Variants in GABRG3 observed in about 807,000 individuals in gnomAD.
GABRG3 encodes the protein gamma-aminobutyric acid receptor subunit gamma-3.
A neutral mutation model predicts 48.8 loss-of-function variants in GABRG3; 25 were observed. The ratio of observed to expected loss-of-function variants is 0.51; its 90% CI spans 0.37 to 0.72. GABRG3 has a LOEUF of 0.72. GABRG3 is among the 30% of genes least tolerant of loss of function. GABRG3 has a pLI of 0.00. For synonymous variants in GABRG3, 227 were observed against 217.6 expected, an observed-to-expected ratio of 1.04 and a Z score of -0.38; for missense variants, 394 against 577.9, an observed-to-expected ratio of 0.68 and a Z score of 3.26.
chr15:27,069,529 C>T (rs1164797546), intron 3 of GABRG3, among the ~76,000 whole-genome samples: 2 of 152,226 alleles, frequency 1.3e-5, no homozygotes, highest in Admixed American at 1.3e-4. Flanking sequence ...ACACATCCAT[C>T]TCCTCTCTTT....
chr15:27,280,251 AT>A (rs1891391591), intron 3 of GABRG3: 1 of 152,252 alleles, frequency 6.6e-6, no homozygotes, highest in South Asian at 2.1e-4. Flanking sequence ...CTTTTAAAAA[AT>A]GTTTTTATTT....
intron 5 of GABRG3, among the ~76,000 whole-genome samples, chr15:27,420,455 C>A (rs372636837): frequency 6.6e-6 from 1 of 152,112 alleles, no homozygotes; most frequent in African/African-American, 2.4e-5. Flanking sequence ...GAGATGAGTA[C>A]GTTCTGGACA....
chr15:27,086,092 ATTGAACCTTTT>A (rs1270237165), intron 3 of GABRG3, among the ~76,000 whole-genome samples: 2 of 151,058 alleles, frequency 1.3e-5, no homozygotes, highest in Non-Finnish European at 2.9e-5. Flanking sequence ...GTTTAACAAA[ATTGAACCTTTT>A]GGAGTTTTGG....
At chr15:27,288,498 G>A (rs1891690846) in intron 3 of GABRG3, among the ~76,000 whole-genome samples, 1 of 151,916 alleles carries the variant, frequency 6.6e-6, no homozygotes, top group Non-Finnish European at 1.5e-5. Context: ...CCTTGCACAT[G>A]CAGTTCACAA....
chr15:27,003,875 C>T (rs748133623), intron 2 of GABRG3, among the ~76,000 whole-genome samples: 4 of 146,446 alleles, frequency 2.7e-5, no homozygotes, highest in Admixed American at 6.7e-5. Context: ...ACCTCCCTCC[C>T]AGACGGGGCG....
intron 5 of GABRG3, among the ~76,000 whole-genome samples, chr15:27,392,119 C>T (rs966448168): frequency 1.1e-4 from 17 of 152,178 alleles, no homozygotes; most frequent in Admixed American, 7.9e-4. Flanking sequence ...TACCACATCC[C>T]CATTATCCCC....
intron 3 of GABRG3, among the ~76,000 whole-genome samples, chr15:27,306,492 T>C (rs1892460784): frequency 7.2e-6 from 1 of 139,356 alleles, no homozygotes; most frequent in Non-Finnish European, 1.5e-5. Flanking sequence ...ATATATATAA[T>C]ATAAACATAT....
intron 6 of GABRG3, among the ~76,000 whole-genome samples, chr15:27,485,423 G>A (rs914861696): frequency 1.3e-5 from 2 of 152,124 alleles, no homozygotes; most frequent in African/African-American, 4.8e-5. Context: ...ATCAGGGAGG[G>A]CAAGATAAGG....
At chr15:27,525,814 G>A (rs1383452394) in intron 7 of GABRG3, among the ~76,000 whole-genome samples, 1 of 151,924 alleles carries the variant, frequency 6.6e-6, no homozygotes, top group African/African-American at 2.4e-5. Flanking sequence ...AGTATTCCCT[G>A]GGGGAGAACA....
chr15:27,378,180 C>G (rs1895658743), intron 5 of GABRG3, among the ~76,000 whole-genome samples: 2 of 152,088 alleles, frequency 1.3e-5, no homozygotes, highest in Admixed American at 6.5e-5. Flanking sequence ...TTATGAGTTA[C>G]TGAAATTGCC....
intron 5 of GABRG3, among the ~76,000 whole-genome samples, chr15:27,359,364 C>G (rs1894948571): frequency 6.6e-6 from 1 of 152,186 alleles, no homozygotes; most frequent in African/African-American, 2.4e-5. Context: ...TGTTCTATGT[C>G]CCTCTTTTTT....
intron 6 of GABRG3, among the ~76,000 whole-genome samples, chr15:27,488,878 T>A (rs1044887342): frequency 3.9e-5 from 6 of 152,206 alleles, no homozygotes; most frequent in Non-Finnish European, 5.9e-5. Context: ...CAAGGGACTT[T>A]AAAAAATTTT....
chr15:27,090,025 G>C (rs1232510219), intron 3 of GABRG3, among the ~76,000 whole-genome samples: 1 of 152,146 alleles, frequency 6.6e-6, no homozygotes, highest in East Asian at 1.9e-4. Flanking sequence ...ACAAGTTTTT[G>C]TTTGAACACC....
intron 5 of GABRG3, among the ~76,000 whole-genome samples, chr15:27,376,227 G>T (rs1895590625): frequency 1.3e-5 from 2 of 152,238 alleles, no homozygotes; most frequent in African/African-American, 4.8e-5. Flanking sequence ...TGGCTTGGGT[G>T]GTTCTGCCCT....
intron 3 of GABRG3, among the ~76,000 whole-genome samples, chr15:27,323,973 T>G (rs1255014073): frequency 6.6e-6 from 1 of 152,160 alleles, no homozygotes; most frequent in African/African-American, 2.4e-5. Context: ...TCTGCTTGTG[T>G]TTCACTTCAT....
chr15:27,040,033 G>A (rs1056552016), intron 3 of GABRG3, among the ~76,000 whole-genome samples: 1 of 152,172 alleles, frequency 6.6e-6, no homozygotes, highest in Non-Finnish European at 1.5e-5. Context: ...CCTTCCCCAA[G>A]TCTCCATTGG....
intron 3 of GABRG3, among the ~76,000 whole-genome samples, chr15:27,189,063 C>T (rs1290746530): frequency 6.6e-6 from 1 of 152,076 alleles, no homozygotes; most frequent in Non-Finnish European, 1.5e-5. Context: ...TTTCTGAGGG[C>T]TCTGTTCTGT....
At chr15:27,525,740 A>G (rs940671667) in intron 7 of GABRG3, among the ~76,000 whole-genome samples, 3 of 152,138 alleles carry the variant, frequency 2.0e-5, no homozygotes, top group African/African-American at 7.2e-5. Flanking sequence ...AAAAGAGGAT[A>G]ATGGCTTCCA....
At chr15:27,244,073 G>A (rs980896447) in intron 3 of GABRG3, among the ~76,000 whole-genome samples, 1 of 152,158 alleles carries the variant, frequency 6.6e-6, no homozygotes, top group African/African-American at 2.4e-5. Context: ...GAGATGAAGA[G>A]CATATGGATG....
Sources: gnomAD v4.1 joint callset for allele counts (sites outside exome capture counted in the v4.1 genomes callset) on GRCh38, gnomAD v4.1.1 for gene constraint, MANE v1.5 for transcripts, NCBI Gene and HGNC (gene_info 2026-07-23, HGNC 2026-07-21) for gene names.